Variants in DHRS7B observed in about 807,000 individuals in gnomAD.
The protein encoded by DHRS7B is dehydrogenase/reductase 7B.
In DHRS7B, 24 loss-of-function variants were observed where a neutral mutation model predicts 26.4. That is an observed-to-expected ratio of 0.91 (90% CI 0.66 to 1.28). The LOEUF is 1.28. Among genes scored for constraint, DHRS7B ranks in the 50% most tolerant of loss-of-function variants. The probability of loss-of-function intolerance (pLI) is 0.00; values close to 1 mark genes in which losing one functional copy is unlikely to be tolerated. For synonymous variants in DHRS7B, 142 were observed against 166.4 expected (o/e 0.85, Z 1.13); for missense variants, 368 against 419.4 (o/e 0.88, Z 1.07).
At chr17:21,164,939 G>T (rs1408947198) in intron 1 of DHRS7B, among the ~76,000 whole-genome samples, 1 of 152,224 alleles carries the variant, frequency 6.6e-6, no homozygotes, top group African/African-American at 2.4e-5. Context: ...AGCCCTTAAA[G>T]CTGCCAGCTT....
rs544175889 is a variant in DHRS7B at position 21,168,982 on chromosome 17, T to C, written c.21-3036T>C. On this transcript the variant is annotated intron_variant, in intron 1 of 6. Coordinates refer to ENST00000395511, the MANE Select transcript of DHRS7B (RefSeq NM_015510.5). ...TGAAAGTGCAATTTGTTGGGAACTT[T>C]AATCATCTTCCACTGGGGAGCCTTG... 1.4e-5 allele frequency: 13 copies of C among 907,804 alleles called. No individual in the cohort carries two copies. In the East Asian group the frequency reaches 8.3e-4, roughly 58 times the overall value. 56.2% of individuals were successfully genotyped at this position (907,804 alleles called of 1,614,324 possible).
At chr17:21,151,419 C>A (rs1973768299) in intron 1 of DHRS7B, among the ~76,000 whole-genome samples, 1 of 150,748 alleles carries the variant, frequency 6.6e-6, no homozygotes, top group Non-Finnish European at 1.5e-5. Flanking sequence ...GAGGCTGAGG[C>A]AGAGAATTGC....
Position 21,184,454 on chromosome 17 carries a change from C to T in DHRS7B, c.610C>T (p.Arg204Ter), listed in dbSNP as rs772719945. Residue 204 changes from arginine to a stop codon, truncating the protein, a stop_gained, in exon 5 of 7, where the codon CGA becomes TGA. Transcript: ENST00000395511. LOFTEE classifies it high-confidence loss of function. ...SIQGKMSIPF[R>*]SAYAASKHAT... ...CCAGGGCAAGATGAGCATTCCTTTT[C>T]GATCAGCATGTGAGTACTTCTCTCT... is the stretch of plus-strand genomic sequence containing the variant. 1.9e-5 allele frequency: 31 copies of T among 1,613,974 alleles called. No homozygotes were observed. Among genetic ancestry groups the T allele is most frequent in the Non-Finnish European group, 2.4e-5 (28 of 1,179,986 alleles).
Position 21,164,054 on chromosome 17 carries a change from G to T in DHRS7B, c.21-7964G>T, listed in dbSNP as rs559559184. Reference sequence around the variant, plus strand: ...GCTTTTTTTTTTTTTTTTGAGACAGGGTGTCATTCTGTCTCCTAGGCTGGA... The same window carrying T: ...GCTTTTTTTTTTTTTTTTGAGACAGTGTGTCATTCTGTCTCCTAGGCTGGA... On this transcript the variant is annotated intron_variant, in intron 1 of 6. Coordinates refer to ENST00000395511, the MANE Select transcript of DHRS7B (RefSeq NM_015510.5). Among the ~76,000 whole-genome samples, 402 of 51,586 alleles carry T rather than the reference G, an allele frequency of 7.8e-3. 2 individuals carry two copies. Among genetic ancestry groups the T allele is most frequent in the African/African-American group, 0.042 (375 of 8,904 alleles). 33.8% of individuals were successfully genotyped at this position (51,586 alleles called of 152,430 possible).
intron 2 of DHRS7B, among the ~76,000 whole-genome samples, chr17:21,172,814 A>G (rs1415396971): frequency 6.6e-6 from 1 of 152,174 alleles, no homozygotes; most frequent in Non-Finnish European, 1.5e-5. Flanking sequence ...AAGTCTCAGG[A>G]ATGGTGTACC....
intron 5 of DHRS7B, 88 bp from the exon 6 acceptor site, chr17:21,188,621 CAG>C: frequency 7.2e-7 from 1 of 1,381,822 alleles, no homozygotes; most frequent in African/African-American, 1.5e-5. Flanking sequence ...GTTTTCAAAA[CAG>C]AGAGCGTGAA....
At chr17:21,184,944 A>G (rs967825510) in intron 5 of DHRS7B, among the ~76,000 whole-genome samples, 1 of 152,176 alleles carries the variant, frequency 6.6e-6, no homozygotes, top group African/African-American at 2.4e-5. Context: ...TGTTAATCTC[A>G]CTTAATGTAT....
intron 1 of DHRS7B, among the ~76,000 whole-genome samples, chr17:21,165,506 G>A (rs1019643532): frequency 5.3e-5 from 8 of 151,908 alleles, no homozygotes; most frequent in Admixed American, 4.6e-4. Flanking sequence ...TTAATTTTTG[G>A]TAAAGATGGG....
intron 1 of DHRS7B, among the ~76,000 whole-genome samples, chr17:21,156,944 CTG>C (rs369929418): frequency 4.6e-5 from 7 of 151,176 alleles, no homozygotes; most frequent in African/African-American, 7.3e-5. Flanking sequence ...ATGAATAACT[CTG>C]TGCCCATTTC....
At position 21,171,863 on chromosome 17, in the gene DHRS7B, C is replaced by T. The variant is rs143183212; in HGVS notation, c.21-155C>T. 1.1e-3 allele frequency: 952 copies of T among 904,340 alleles called. 4 individuals carry two copies. The highest frequency in any genetic ancestry group is 3.8e-3 in the Middle Eastern group (18 of 4,744). The allele number at this position is 904,340 out of a possible 1,614,324, so 56.0% of individuals were successfully genotyped here. ...AGTTCTACAATGCTGAACAGTCGGCCGAGGGTGCAGGGCCTGGGTCAATGC... is the reference window on the plus strand; with the variant it reads ...AGTTCTACAATGCTGAACAGTCGGCTGAGGGTGCAGGGCCTGGGTCAATGC... On this transcript the variant is annotated intron_variant, in intron 1 of 6. Transcript: ENST00000395511.
intron 1 of DHRS7B, among the ~76,000 whole-genome samples, chr17:21,163,213 A>C (rs754187279): frequency 1.4e-4 from 21 of 151,976 alleles, no homozygotes; most frequent in South Asian, 2.1e-4. Flanking sequence ...ACCAAAAAAA[A>C]CCAAAAAACA....
chr17:21,177,279 G>A (rs1487162534), intron 2 of DHRS7B, among the ~76,000 whole-genome samples: 1 of 152,198 alleles, frequency 6.6e-6, no homozygotes, highest in Non-Finnish European at 1.5e-5. Flanking sequence ...CCAGCACTTG[G>A]GTCCCTCCTA....
chr17:21,144,303 G>A (rs998507830), intron 1 of DHRS7B, among the ~76,000 whole-genome samples: 2 of 152,142 alleles, frequency 1.3e-5, no homozygotes, highest in Admixed American at 1.3e-4. Flanking sequence ...CTGGAGGTGA[G>A]AAAACTGGGG....
At chr17:21,165,251 A>G (rs1974085523) in intron 1 of DHRS7B, among the ~76,000 whole-genome samples, 1 of 150,178 alleles carries the variant, frequency 6.7e-6, no homozygotes, top group South Asian at 2.2e-4. Context: ...AGTTTCTGTC[A>G]GGGGTGGGTG....
rs199845654 is a variant in DHRS7B at position 21,178,258 on chromosome 17, G to C, written c.225G>C (p.Ala75=). The change falls in exon 3 of 7, where the codon GCG becomes GCC. Residue 75 remains alanine, a synonymous_variant. Coordinates refer to ENST00000395511, the MANE Select transcript of DHRS7B (RefSeq NM_015510.5). Reference sequence around the variant, plus strand: ...AATGTGCAAAAGTCTTCTATGCTGCGGGTGCTAAACTGGTGCTCTGTGGCC... The same window carrying C: ...AATGTGCAAAAGTCTTCTATGCTGCCGGTGCTAAACTGGTGCTCTGTGGCC... The part of the protein sequence containing the change: ...GKECAKVFYA[A]GAKLVLCGRN... 1.2e-4 allele frequency: 194 copies of C among 1,614,132 alleles called. No homozygotes were observed. Among genetic ancestry groups the C allele is most frequent in the Non-Finnish European group, 7.5e-5 (88 of 1,180,054 alleles).
chr17:21,159,942 C>T (rs1198376016), intron 1 of DHRS7B, among the ~76,000 whole-genome samples: 1 of 151,138 alleles, frequency 6.6e-6, no homozygotes, highest in Non-Finnish European at 1.5e-5. Flanking sequence ...AAAATAGGGC[C>T]AGGCATGGTA....
intron 1 of DHRS7B, among the ~76,000 whole-genome samples, chr17:21,138,075 A>AAAAT (rs1238830544): frequency 2.7e-3 from 88 of 33,200 alleles, no homozygotes; most frequent in East Asian, 0.02. Context: ...TTAAAAAAAA[A>AAAAT]ATATATATAT....
chr17:21,147,781 G>A (rs886287236), intron 1 of DHRS7B, among the ~76,000 whole-genome samples: 1 of 152,184 alleles, frequency 6.6e-6, no homozygotes, highest in Non-Finnish European at 1.5e-5. Flanking sequence ...AAAGGTGGGA[G>A]GCAGGTCTGC....
At chr17:21,132,550 CA>C (rs1053748217) in intron 1 of DHRS7B, among the ~76,000 whole-genome samples, 12 of 98,074 alleles carry the variant, frequency 1.2e-4, no homozygotes, top group East Asian at 5.7e-4. Context: ...AAAAAAAAAA[CA>C]AAAAAAAAAC....
Sources: gnomAD v4.1 joint callset for allele counts (sites outside exome capture counted in the v4.1 genomes callset) on GRCh38, gnomAD v4.1.1 for gene constraint, MANE v1.5 for transcripts, NCBI Gene and HGNC (gene_info 2026-07-23, HGNC 2026-07-21) for gene names.